The following HPSE2 variants were observed in gnomAD, a reference collection of about 807,000 sequenced individuals.
The protein encoded by HPSE2 is heparanase 2 (inactive), also known as inactive heparanase-2.
Under a neutral mutation model 60.5 loss-of-function variants are expected in HPSE2, and 38 were observed. That is an observed-to-expected ratio of 0.63 (90% CI 0.48 to 0.82). The LOEUF is 0.82. HPSE2 is among the 40% of genes least tolerant of loss of function. The pLI, the probability that HPSE2 is intolerant of heterozygous loss-of-function variation, is 0.00. For missense variants in HPSE2, 713 were observed against 740.4 expected (o/e 0.96, Z 0.43); for synonymous variants, 295 against 293.2 (o/e 1.01, Z -0.06).
At chr10:99,097,654 C>A (rs1387522416) in intron 3 of HPSE2, among the ~76,000 whole-genome samples, 1 of 152,126 alleles carries the variant, frequency 6.6e-6, no homozygotes, top group Non-Finnish European at 1.5e-5. Context: ...ATAGTTAACA[C>A]CTAGGAATAT....
intron 3 of HPSE2, among the ~76,000 whole-genome samples, chr10:99,094,540 ATTTTTTTTTTTTTT>A (rs531721304): frequency 7.5e-5 from 2 of 26,610 alleles, no homozygotes; most frequent in African/African-American, 1.7e-4. Flanking sequence ...ATATATATAT[ATTTTTTTTTTTTTT>A]TTTTTTTTTT....
chr10:99,132,148 A>AAGAAAGAAAG (rs1319697256), intron 3 of HPSE2, among the ~76,000 whole-genome samples: 1 of 8,850 alleles, frequency 1.1e-4, no homozygotes, highest in African/African-American at 2.7e-4. Context: ...AAAGAAAGGA[A>AAGAAAGAAAG]GAAAGAAAGA....
chr10:98,730,681 T>C (rs72840602), intron 4 of HPSE2, among the ~76,000 whole-genome samples: 2,073 of 152,188 alleles, frequency 0.014, 25 homozygotes, highest in South Asian at 0.027. Context: ...TGAAAATCTT[T>C]GTGCCAATAA....
At chr10:99,232,232 C>CAA in intron 2 of HPSE2, 116 bp downstream of exon 2, 1 of 1,226,930 alleles carries the variant, frequency 8.2e-7, no homozygotes, top group South Asian at 1.3e-5. Context: ...CACACACACA[C>CAA]ACACACACAC....
chr10:98,648,787 A>G (rs781661413), intron 6 of HPSE2, among the ~76,000 whole-genome samples: 1 of 152,180 alleles, frequency 6.6e-6, no homozygotes, highest in African/African-American at 2.4e-5. Context: ...CACATAATAG[A>G]TACAAAAGTA....
At chr10:99,092,324 T>C (rs963158100) in intron 3 of HPSE2, among the ~76,000 whole-genome samples, 4 of 152,216 alleles carry the variant, frequency 2.6e-5, no homozygotes, top group African/African-American at 9.6e-5. Flanking sequence ...GAGTTTACTA[T>C]GTGATAGATA....
In HPSE2 at chr10:98,742,792, TACACACACAC is replaced by T. The variant is rs71009713; in HGVS notation, c.784+1081_784+1090del. Among the ~76,000 whole-genome samples, 211 of 147,338 alleles carry T rather than the reference TACACACACAC, an allele frequency of 1.4e-3. 2 individuals are homozygous for T. Among genetic ancestry groups the T allele is most frequent in the African/African-American group, 5.0e-3 (199 of 40,174 alleles). The stretch of plus-strand genomic sequence containing the variant: ...TTACACATACACACACACACATACA[TACACACACAC>T]ACACACACACACACACTTTAATGAT... On this transcript the variant is annotated intron_variant, in intron 4 of 11. Transcript: ENST00000370552.
intron 3 of HPSE2, among the ~76,000 whole-genome samples, chr10:99,105,217 C>G (rs548575401): frequency 1.3e-5 from 2 of 152,022 alleles, no homozygotes; most frequent in Non-Finnish European, 2.9e-5. Context: ...GTAACTGTAA[C>G]AGATAGTATT....
At position 98,659,876 on chromosome 10, in the gene HPSE2, A is replaced by C. The variant is rs186611702; in HGVS notation, c.1005-17936T>G. On this transcript the variant is annotated intron_variant, in intron 6 of 11. Transcript: ENST00000370552. ...AGGACAATGGGTTCACTTAGAGAAG[A>C]GGAAAGGAAAGCTGATAATAGATGC... Among the ~76,000 whole-genome samples the C allele has an allele frequency of 2.6e-5, 4 of 152,218 alleles. No homozygotes were observed. In the East Asian group the frequency reaches 5.8e-4, roughly 22 times the overall value.
At chr10:98,556,125 T>C (rs953435823) in intron 9 of HPSE2, among the ~76,000 whole-genome samples, 1 of 152,142 alleles carries the variant, frequency 6.6e-6, no homozygotes, top group East Asian at 1.9e-4. Context: ...CAAAAAAGAC[T>C]GACAGTGATA....
chr10:98,984,491 T>C (rs1239903264), intron 3 of HPSE2, among the ~76,000 whole-genome samples: 1 of 152,148 alleles, frequency 6.6e-6, no homozygotes, highest in African/African-American at 2.4e-5. Flanking sequence ...ACCCCATCTG[T>C]ACGTCACCAT....
intron 7 of HPSE2, among the ~76,000 whole-genome samples, chr10:98,620,947 G>A (rs1174707920): frequency 6.6e-6 from 1 of 152,104 alleles, no homozygotes; most frequent in Non-Finnish European, 1.5e-5. Flanking sequence ...GTAAACCCAA[G>A]TGATAATGTG....
intron 3 of HPSE2, among the ~76,000 whole-genome samples, chr10:98,860,702 T>C (rs1358808350): frequency 3.3e-5 from 5 of 152,178 alleles, no homozygotes; most frequent in Admixed American, 3.3e-4. Context: ...ACCACAAGGC[T>C]ATAACCTCTT....
At chr10:98,860,395 T>C (rs978230804) in intron 3 of HPSE2, among the ~76,000 whole-genome samples, 2 of 152,168 alleles carry the variant, frequency 1.3e-5, no homozygotes, top group East Asian at 3.9e-4. Context: ...CTTTCTACCT[T>C]TGCTCATGCT....
At chr10:98,809,320 T>G (rs939046184) in intron 3 of HPSE2, among the ~76,000 whole-genome samples, 1 of 152,084 alleles carries the variant, frequency 6.6e-6, no homozygotes, top group Non-Finnish European at 1.5e-5. Flanking sequence ...TCTACTTTTT[T>G]GCATATGTTT....
chr10:98,543,362 C>T (rs1049951503), intron 9 of HPSE2, among the ~76,000 whole-genome samples: 4 of 152,050 alleles, frequency 2.6e-5, no homozygotes, highest in East Asian at 1.9e-4. Context: ...CGGTACCAGC[C>T]GCTGCAAAAT....
upstream of HPSE2, among the ~76,000 whole-genome samples, chr10:99,236,876 A>G (rs1849870610): frequency 6.6e-6 from 1 of 152,102 alleles, no homozygotes; most frequent in South Asian, 2.1e-4. Flanking sequence ...CTGCACAGGT[A>G]GAGTCCCCCC....
chr10:99,224,782 A>C (rs543028646), intron 2 of HPSE2, among the ~76,000 whole-genome samples: 26 of 152,276 alleles, frequency 1.7e-4, no homozygotes, highest in African/African-American at 5.8e-4. Flanking sequence ...TTGTACAAAA[A>C]AAATTGATGA....
chr10:99,060,879 GAACTAAA>G (rs1958226438), intron 3 of HPSE2, among the ~76,000 whole-genome samples: 1 of 151,914 alleles, frequency 6.6e-6, no homozygotes, highest in Non-Finnish European at 1.5e-5. Flanking sequence ...TTACTTGTGC[GAACTAAA>G]AATTAAAACA....
Sources: gnomAD v4.1 joint callset for allele counts (sites outside exome capture counted in the v4.1 genomes callset) on GRCh38, gnomAD v4.1.1 for gene constraint, MANE v1.5 for transcripts, NCBI Gene and HGNC (gene_info 2026-07-23, HGNC 2026-07-21) for gene names.